Variants in PTPN3 observed in about 807,000 individuals in gnomAD.
PTPN3 encodes protein tyrosine phosphatase non-receptor type 3.
A neutral mutation model predicts 132.7 loss-of-function variants in PTPN3; 96 were observed. That is an observed-to-expected ratio of 0.72 (90% CI 0.61 to 0.86). PTPN3 has a LOEUF of 0.86. PTPN3 is among the 40% of genes least tolerant of loss of function. The probability of loss-of-function intolerance (pLI) is 0.00; values close to 1 mark genes in which losing one functional copy is unlikely to be tolerated. For missense variants in PTPN3, 1,125 were observed against 1,159.6 expected (o/e 0.97, Z 0.43); for synonymous variants, 398 against 429.0 (o/e 0.93, Z 0.89).
rs1349602076 is a variant in PTPN3 at position 109,377,443 on chromosome 9, CACACACACACACACAA to C, written c.*2097_*2112del. On this transcript the variant is annotated 3_prime_UTR_variant, in exon 26 of 26. Transcript: ENST00000374541. The stretch of plus-strand genomic sequence containing the variant: ...ACACACACACACACACACACACACA[CACACACACACACACAA>C]GCCAGGTGAGGTGGCATGTGCCTAT... 4 of 129,670 alleles carry C rather than the reference CACACACACACACACAA, an allele frequency of 3.1e-5. No individual in the cohort carries two copies. The highest frequency in any genetic ancestry group is 4.7e-4 in the East Asian group (2 of 4,248). 8.0% of individuals were successfully genotyped at this position (129,670 alleles called of 1,614,324 possible). A position where few individuals can be genotyped will look rare whatever the true frequency, so the allele number is the denominator to read the frequency against.
chr9:109,436,780 T>G, intron 9 of PTPN3, 103 bp downstream of exon 9: 1 of 1,465,592 alleles, frequency 6.8e-7, no homozygotes, highest in Non-Finnish European at 9.0e-7. Flanking sequence ...TAAAAAGTCC[T>G]GTTATAATGA....
intron 7 of PTPN3, among the ~76,000 whole-genome samples, chr9:109,440,252 G>A (rs747610713): frequency 4.6e-5 from 7 of 152,230 alleles, no homozygotes; most frequent in Non-Finnish European, 7.3e-5. Flanking sequence ...GGCTGTTAAG[G>A]CCAGCCAAAT....
At chr9:109,418,690 G>T (rs1427983561) in intron 14 of PTPN3, among the ~76,000 whole-genome samples, 1 of 152,238 alleles carries the variant, frequency 6.6e-6, no homozygotes, top group Non-Finnish European at 1.5e-5. Context: ...CAACACTCCT[G>T]TGTGGCTGTC....
At chr9:109,445,357 T>C in intron 6 of PTPN3, 65 bp from the exon 7 acceptor site, 2 of 1,374,304 alleles carry the variant, frequency 1.5e-6, no homozygotes. Context: ...CATTGACAGA[T>C]CATGCGTAGT....
At chr9:109,521,776 C>G in the PTPN3 span, among the ~76,000 whole-genome samples, 1 of 152,232 alleles carries the variant, frequency 6.6e-6, no homozygotes, top group African/African-American at 2.4e-5. Context: ...CATCCTGGTA[C>G]TCCCAGTGCT....
chr9:109,480,529 T>C (rs1245191486), intron 1 of PTPN3, among the ~76,000 whole-genome samples: 1 of 152,220 alleles, frequency 6.6e-6, no homozygotes, highest in Admixed American at 6.5e-5. Context: ...AAAAAAGCTT[T>C]AATTTTCATG....
chr9:109,426,025 AAAAAG>A (rs904452530), intron 12 of PTPN3, among the ~76,000 whole-genome samples: 1 of 151,046 alleles, frequency 6.6e-6, no homozygotes, highest in Non-Finnish European at 1.5e-5. Context: ...AAAAAAAAAA[AAAAAG>A]AAAAGAAAGA....
At chr9:109,431,954 T>C (rs1417507392) in intron 10 of PTPN3, among the ~76,000 whole-genome samples, 1 of 151,644 alleles carries the variant, frequency 6.6e-6, no homozygotes, top group Non-Finnish European at 1.5e-5. Context: ...TAATAGGACT[T>C]GGACACAGTA....
At chr9:109,525,139 C>A in the PTPN3 span, among the ~76,000 whole-genome samples, 4 of 152,052 alleles carry the variant, frequency 2.6e-5, no homozygotes, top group Admixed American at 2.0e-4. Flanking sequence ...GCAACCTTGA[C>A]CCCTCTGGCT....
intron 22 of PTPN3, 58 bp downstream of exon 22, chr9:109,389,175 G>A (rs1839846260): frequency 6.3e-7 from 1 of 1,591,032 alleles, no homozygotes. Flanking sequence ...TGAGATTCAT[G>A]TTACACAGAG....
the PTPN3 span, among the ~76,000 whole-genome samples, chr9:109,537,179 A>G: frequency 6.6e-6 from 1 of 152,210 alleles, no homozygotes; most frequent in Non-Finnish European, 1.5e-5. Context: ...ATTATTGTGC[A>G]AAAAGTATTT....
At chr9:109,456,670 C>T (rs529209704) in intron 4 of PTPN3, among the ~76,000 whole-genome samples, 3 of 152,218 alleles carry the variant, frequency 2.0e-5, no homozygotes, top group South Asian at 4.2e-4. Context: ...GACTGGCCAC[C>T]GAACTGGGAG....
chr9:109,505,177 G>C, the PTPN3 span, among the ~76,000 whole-genome samples: 83 of 152,310 alleles, frequency 5.4e-4, no homozygotes, highest in African/African-American at 1.9e-3. Flanking sequence ...GGTCACCATG[G>C]GGGAAGAAGT....
the PTPN3 span, among the ~76,000 whole-genome samples, chr9:109,511,771 A>G: frequency 1.3e-5 from 2 of 152,216 alleles, no homozygotes; most frequent in Non-Finnish European, 2.9e-5. Flanking sequence ...AGCAATGGAT[A>G]ACTGAGGCAG....
intron 12 of PTPN3, among the ~76,000 whole-genome samples, chr9:109,423,514 G>A: frequency 6.6e-6 from 1 of 152,176 alleles, no homozygotes; most frequent in Non-Finnish European, 1.5e-5. Context: ...GCTGAGGCAT[G>A]AGAACCCCCT....
chr9:109,393,124 C>G (rs1217328787), intron 19 of PTPN3, among the ~76,000 whole-genome samples: 1 of 152,194 alleles, frequency 6.6e-6, no homozygotes, highest in Non-Finnish European at 1.5e-5. Flanking sequence ...TGGAAAATCT[C>G]AGCATCTAAT....
chr9:109,453,892 G>A (rs990565271), intron 5 of PTPN3, among the ~76,000 whole-genome samples: 12 of 151,582 alleles, frequency 7.9e-5, no homozygotes, highest in African/African-American at 2.9e-4. Context: ...GTACCTGCCT[G>A]TAATCCTAGC....
chr9:109,417,865 C>T (rs1842637141), intron 14 of PTPN3: 2 of 858,688 alleles, frequency 2.3e-6, no homozygotes, highest in Non-Finnish European at 2.8e-6. Flanking sequence ...AAAAAGAGCC[C>T]CAAGATGACA....
the PTPN3 span, among the ~76,000 whole-genome samples, chr9:109,507,128 C>T: frequency 6.6e-6 from 1 of 152,126 alleles, no homozygotes; most frequent in Non-Finnish European, 1.5e-5. Context: ...AGCTGGAGGT[C>T]AAGAACTCTC....
Sources: gnomAD v4.1 joint callset for allele counts (sites outside exome capture counted in the v4.1 genomes callset) on GRCh38, gnomAD v4.1.1 for gene constraint, MANE v1.5 for transcripts, NCBI Gene and HGNC (gene_info 2026-07-23, HGNC 2026-07-21) for gene names.